Variants in MSH3 observed in about 807,000 individuals in gnomAD.
The protein encoded by MSH3 is DNA mismatch repair protein Msh3.
Under a neutral mutation model 123.3 loss-of-function variants are expected in MSH3, and 106 were observed. That is an observed-to-expected ratio of 0.86 (90% CI 0.73 to 1.01). The LOEUF (loss-of-function observed/expected upper bound fraction) is 1.01. Among genes scored for constraint, MSH3 ranks in the 50% least tolerant of loss-of-function variants. The pLI is 0.00. For missense variants in MSH3, 1,459 were observed against 1,347.6 expected, an observed-to-expected ratio of 1.08 and a Z score of -1.29; for synonymous variants, 515 against 481.4, an observed-to-expected ratio of 1.07 and a Z score of -0.91.
intron 20 of MSH3, among the ~76,000 whole-genome samples, chr5:80,842,148 T>C (rs1745637800): frequency 6.6e-6 from 1 of 152,214 alleles, no homozygotes; most frequent in African/African-American, 2.4e-5. Context: ...CCCAGCACCA[T>C]TTATTAAGTA....
In MSH3 at chr5:80,854,062, A is replaced by G; in HGVS notation, c.2814-68A>G. ...GTGATCTTTTATATTTATTGTTCAT[A>G]AAATAATGTTCGGCTTCCTAATAAG... On this transcript the variant is annotated intron_variant, in intron 20 of 23. Transcript: ENST00000265081. 3 of 1,245,968 alleles carry G rather than the reference A, an allele frequency of 2.4e-6. No homozygotes were observed. In the South Asian group the frequency reaches 3.8e-5, roughly 16 times the overall value. The allele number at this position is 1,245,968 out of a possible 1,614,324, so 77.2% of individuals were successfully genotyped here.
At chr5:80,683,725 T>C (rs1750021235) in intron 8 of MSH3, among the ~76,000 whole-genome samples, 1 of 152,152 alleles carries the variant, frequency 6.6e-6, no homozygotes, top group South Asian at 2.1e-4. Flanking sequence ...CATTTGTCCA[T>C]CTTTGCTTTG....
chr5:80,671,761 A>G (rs571449493), intron 4 of MSH3, among the ~76,000 whole-genome samples: 15 of 152,326 alleles, frequency 9.8e-5, no homozygotes, highest in Admixed American at 8.5e-4. Flanking sequence ...CTATATTTCT[A>G]TCAGTCGTGC....
intron 20 of MSH3, among the ~76,000 whole-genome samples, chr5:80,819,242 AG>A: frequency 6.6e-6 from 1 of 151,996 alleles, no homozygotes; most frequent in Non-Finnish European, 1.5e-5. Flanking sequence ...TGTTATTAGG[AG>A]ATGTTAACAT....
chr5:80,825,294 A>T (rs538708988), intron 20 of MSH3, among the ~76,000 whole-genome samples: 1 of 152,212 alleles, frequency 6.6e-6, no homozygotes, highest in African/African-American at 2.4e-5. Flanking sequence ...TTACTCACTG[A>T]TGTTTTTTGA....
chr5:80,857,702 T>C (rs1432834689), intron 21 of MSH3, among the ~76,000 whole-genome samples: 1 of 152,232 alleles, frequency 6.6e-6, no homozygotes, highest in Non-Finnish European at 1.5e-5. Context: ...TATTCCTTTA[T>C]TATCCTTTTA....
chr5:80,762,830 G>GTTATGTTATT (rs1205226469), intron 13 of MSH3, among the ~76,000 whole-genome samples: 39 of 121,014 alleles, frequency 3.2e-4, no homozygotes, highest in African/African-American at 1.2e-3. Context: ...GTTATGTTAT[G>GTTATGTTATT]TTATTTTATG....
chr5:80,725,428 T>G, intron 8 of MSH3, 25 bp from the exon 9 acceptor site: 1 of 1,536,220 alleles, frequency 6.5e-7, no homozygotes, highest in Non-Finnish European at 9.0e-7. Flanking sequence ...TAAGTTATCT[T>G]TGAAATTTTC....
chr5:80,814,204 G>T (rs1414236718), intron 20 of MSH3, among the ~76,000 whole-genome samples: 1 of 151,424 alleles, frequency 6.6e-6, no homozygotes. Flanking sequence ...TACTAGAAAA[G>T]ACTTAAGAGT....
chr5:80,656,429 A>C lies in MSH3; in HGVS notation c.256A>C (p.Arg86=). ...GATATAGGCTACAGAAATTGACAGA[A>C]GAAAGAAGAGACCATTGGAAAATGA... ...PPHIATEIDR[R]KKRPLENDGP... Residue 86 remains arginine, a synonymous_variant, in exon 2 of 24, where the codon AGA becomes CGA. Coordinates refer to ENST00000265081, the MANE Select transcript of MSH3 (RefSeq NM_002439.5). 2 of 1,614,192 alleles carry C rather than the reference A, an allele frequency of 1.2e-6. No individual in the cohort carries two copies. Among genetic ancestry groups the C allele is most frequent in the Non-Finnish European group, 1.7e-6 (2 of 1,180,008 alleles).
chr5:80,725,165 G>A (rs1331470844), intron 8 of MSH3, among the ~76,000 whole-genome samples: 1 of 141,878 alleles, frequency 7.0e-6, no homozygotes, highest in Non-Finnish European at 1.5e-5. Context: ...AGTGAGCTGA[G>A]ATTGCTGCCA....
At position 80,876,066 on chromosome 5, in the gene MSH3, C is replaced by A. The variant is rs910027954; in HGVS notation, c.*204C>A. ...CCTAACTTTTCTACGTATAAACACT[C>A]TTGAATAGACTTCCACTTTGTAATT... On this transcript the variant is annotated 3_prime_UTR_variant, in exon 24 of 24. Coordinates refer to ENST00000265081, the MANE Select transcript of MSH3 (RefSeq NM_002439.5). 1.8e-6 allele frequency: 1 copy of A among 551,596 alleles called. No homozygotes were observed. Among genetic ancestry groups the A allele is most frequent in the South Asian group, 2.4e-5 (1 of 42,366 alleles). The allele number at this position is 551,596 out of a possible 1,614,324, so 34.2% of individuals were successfully genotyped here.
intron 22 of MSH3, among the ~76,000 whole-genome samples, chr5:80,866,031 G>A (rs2112119854): frequency 6.6e-6 from 1 of 152,348 alleles, no homozygotes; most frequent in Admixed American, 6.5e-5. Context: ...TTCACCAACA[G>A]GGAAGAAGAG....
chr5:80,786,878 ATAT>A (rs1393166538), intron 17 of MSH3, among the ~76,000 whole-genome samples: 1 of 152,192 alleles, frequency 6.6e-6, no homozygotes, highest in Non-Finnish European at 1.5e-5. Flanking sequence ...AGATCAATAA[ATAT>A]TATAGTTTTA....
chr5:80,865,811 T>G (rs1384750300), intron 22 of MSH3, among the ~76,000 whole-genome samples: 2 of 152,294 alleles, frequency 1.3e-5, no homozygotes, highest in South Asian at 2.1e-4. Context: ...GGGATGGACC[T>G]GAAAAAGAAA....
At chr5:80,841,057 C>T (rs1337508984) in intron 20 of MSH3, among the ~76,000 whole-genome samples, 6 of 149,852 alleles carry the variant, frequency 4.0e-5, no homozygotes, top group Admixed American at 3.3e-4. Context: ...CCTCCCCACT[C>T]CCCCCACCCC....
chr5:80,712,541 C>G (rs951244894), intron 8 of MSH3, among the ~76,000 whole-genome samples: 1 of 151,978 alleles, frequency 6.6e-6, no homozygotes, highest in Non-Finnish European at 1.5e-5. Context: ...AATTTGTAAC[C>G]TTTCTGAATT....
Position 80,751,397 on chromosome 5 carries a change from C to T in MSH3, c.1763+6782C>T, listed in dbSNP as rs565345566. On this transcript the variant is annotated intron_variant, in intron 12 of 23. Transcript: ENST00000265081. Reference sequence around the variant, plus strand: ...ACAACTATCTGATTTTCGACAAACCCGATACAAACAAGCAATGGGGAAAGG... The same window carrying T: ...ACAACTATCTGATTTTCGACAAACCTGATACAAACAAGCAATGGGGAAAGG... 1.6e-3 allele frequency among the ~76,000 whole-genome samples: 246 copies of T among 152,164 alleles called. 1 individual carries two copies. Among genetic ancestry groups the T allele is most frequent in the African/African-American group, 5.7e-3 (237 of 41,504 alleles).
At chr5:80,723,094 A>AAATAAAT (rs1751120272) in intron 8 of MSH3, among the ~76,000 whole-genome samples, 5 of 144,428 alleles carry the variant, frequency 3.5e-5, no homozygotes, top group African/African-American at 5.1e-5. Context: ...ACTCTGTCTA[A>AAATAAAT]AAATAAATAA....
Sources: allele counts gnomAD v4.1 joint callset (sites outside exome capture counted in the v4.1 genomes callset), GRCh38; gene constraint gnomAD v4.1.1; transcripts MANE v1.5; gene names NCBI Gene and HGNC (gene_info 2026-07-23, HGNC 2026-07-21).